Variants in SLC24A3 observed in about 807,000 individuals in gnomAD.
SLC24A3 encodes the protein sodium/potassium/calcium exchanger 3.
Under a neutral mutation model 75.8 loss-of-function variants are expected in SLC24A3, and 28 were observed. That is an observed-to-expected ratio of 0.37 (90% CI 0.27 to 0.51). The LOEUF is 0.51. SLC24A3 is among the 20% of genes least tolerant of loss of function. SLC24A3 has a pLI of 0.94. For missense variants in SLC24A3, 663 were observed against 847.8 expected (o/e 0.78, Z 2.71); for synonymous variants, 372 against 334.1 (o/e 1.11, Z -1.24).
At chr20:19,249,088 T>C (rs1383766320) in intron 1 of SLC24A3, among the ~76,000 whole-genome samples, 2 of 151,956 alleles carry the variant, frequency 1.3e-5, no homozygotes, top group Non-Finnish European at 2.9e-5. Flanking sequence ...ATTAGCTTGA[T>C]CCAGTCATTC....
At chr20:19,681,112 G>A (rs1055628492) in intron 9 of SLC24A3, among the ~76,000 whole-genome samples, 6 of 152,148 alleles carry the variant, frequency 3.9e-5, no homozygotes, top group African/African-American at 1.4e-4. Context: ...TAAAGCTAGG[G>A]AGACTGTAAA....
intron 2 of SLC24A3, among the ~76,000 whole-genome samples, chr20:19,441,293 C>T (rs988822238): frequency 3.9e-5 from 6 of 152,150 alleles, no homozygotes; most frequent in Non-Finnish European, 7.4e-5. Context: ...GAAGTAATGA[C>T]GGTTGACACC....
intron 3 of SLC24A3, among the ~76,000 whole-genome samples, chr20:19,536,639 C>T (rs1211919243): frequency 6.6e-6 from 1 of 152,156 alleles, no homozygotes; most frequent in Non-Finnish European, 1.5e-5. Context: ...TACAAGGCTG[C>T]AGTAACCAAA....
At chr20:19,321,649 A>G (rs997716589) in intron 2 of SLC24A3, among the ~76,000 whole-genome samples, 14 of 152,232 alleles carry the variant, frequency 9.2e-5, no homozygotes, top group Admixed American at 5.2e-4. Flanking sequence ...AAATGGGCTT[A>G]AAATAATTAA....
chr20:19,268,929 A>G (rs1206795713), intron 1 of SLC24A3, among the ~76,000 whole-genome samples: 1 of 152,242 alleles, frequency 6.6e-6, no homozygotes, highest in Non-Finnish European at 1.5e-5. Flanking sequence ...TCTTTGTCTC[A>G]TCAGAATGTT....
At chr20:19,484,712 TG>T (rs1988104482) in intron 2 of SLC24A3, among the ~76,000 whole-genome samples, 1 of 152,140 alleles carries the variant, frequency 6.6e-6, no homozygotes, top group African/African-American at 2.4e-5. Flanking sequence ...AGTTATTCAA[TG>T]GGTTAAGAGT....
chr20:19,349,735 T>A (rs1985523693), intron 2 of SLC24A3, among the ~76,000 whole-genome samples: 1 of 152,208 alleles, frequency 6.6e-6, no homozygotes, highest in Admixed American at 6.5e-5. Context: ...GGCTCCTTTA[T>A]TCCCTATCCC....
At chr20:19,259,989 C>T (rs1982932324) in intron 1 of SLC24A3, among the ~76,000 whole-genome samples, 1 of 152,166 alleles carries the variant, frequency 6.6e-6, no homozygotes, top group African/African-American at 2.4e-5. Flanking sequence ...GAAAAAGAAT[C>T]CGTATGCCCT....
chr20:19,458,993 G>A (rs1987625682), intron 2 of SLC24A3, among the ~76,000 whole-genome samples: 1 of 152,168 alleles, frequency 6.6e-6, no homozygotes, highest in East Asian at 1.9e-4. Context: ...TAAGATAGTA[G>A]TGTTATAGTC....
At chr20:19,251,378 T>C (rs984251599) in intron 1 of SLC24A3, among the ~76,000 whole-genome samples, 2 of 152,220 alleles carry the variant, frequency 1.3e-5, no homozygotes, top group Non-Finnish European at 2.9e-5. Flanking sequence ...TAAGAACTTA[T>C]TAATTTAAAT....
intron 6 of SLC24A3, among the ~76,000 whole-genome samples, chr20:19,585,819 G>A (rs1311695930): frequency 6.6e-6 from 1 of 152,190 alleles, no homozygotes; most frequent in African/African-American, 2.4e-5. Context: ...GTTACAATCT[G>A]AAGGGTTCCA....
chr20:19,513,486 T>G (rs1197521711), intron 2 of SLC24A3, among the ~76,000 whole-genome samples: 1 of 152,238 alleles, frequency 6.6e-6, no homozygotes, highest in East Asian at 1.9e-4. Context: ...GTCATCCCTC[T>G]GCCCCTCACA....
chr20:19,399,361 C>T (rs546923903), intron 2 of SLC24A3, among the ~76,000 whole-genome samples: 1 of 151,992 alleles, frequency 6.6e-6, no homozygotes, highest in Non-Finnish European at 1.5e-5. Context: ...TGATTTGAAA[C>T]CTTTCTTCTT....
chr20:19,566,034 C>G (rs1299960475), intron 3 of SLC24A3, among the ~76,000 whole-genome samples: 1 of 152,208 alleles, frequency 6.6e-6, no homozygotes, highest in Non-Finnish European at 1.5e-5. Context: ...AAAGCTCATT[C>G]ATTCATTCAT....
At chr20:19,485,989 G>A (rs556019366) in intron 2 of SLC24A3, among the ~76,000 whole-genome samples, 1 of 152,276 alleles carries the variant, frequency 6.6e-6, no homozygotes, top group East Asian at 1.9e-4. Flanking sequence ...ACCTGCAAGG[G>A]GTCTGGTATA....
intron 6 of SLC24A3, among the ~76,000 whole-genome samples, chr20:19,609,437 C>T (rs1393904713): frequency 1.3e-5 from 2 of 151,894 alleles, no homozygotes; most frequent in Admixed American, 6.6e-5. Context: ...TTCCAGGATA[C>T]ATGTGCAGAC....
At chr20:19,299,196 GTA>G (rs1423186407) in intron 2 of SLC24A3, among the ~76,000 whole-genome samples, 85 of 139,972 alleles carry the variant, frequency 6.1e-4, no homozygotes, top group Admixed American at 2.8e-3. Context: ...GTGTGTGTGT[GTA>G]TGTGTGTGTG....
intron 14 of SLC24A3, 113 bp from the exon 15 acceptor site, chr20:19,698,455 C>T: frequency 1.5e-6 from 1 of 661,920 alleles, no homozygotes; most frequent in Non-Finnish European, 2.7e-6. Flanking sequence ...AAGAGAAGCA[C>T]ATATGTGAGC....
intron 2 of SLC24A3, among the ~76,000 whole-genome samples, chr20:19,413,281 T>C (rs546685535): frequency 1.3e-5 from 2 of 152,324 alleles, no homozygotes; most frequent in South Asian, 4.1e-4. Flanking sequence ...TTACATGGTT[T>C]ATGATGCTTC....
Sources: gnomAD v4.1 joint callset for allele counts (sites outside exome capture counted in the v4.1 genomes callset) on GRCh38, gnomAD v4.1.1 for gene constraint, MANE v1.5 for transcripts, NCBI Gene and HGNC (gene_info 2026-07-23, HGNC 2026-07-21) for gene names.